Variants in PCDHGB7 observed in about 807,000 individuals in gnomAD.
The protein encoded by PCDHGB7 is protocadherin gamma subfamily B, 7, also known as protocadherin gamma-B7.
In PCDHGB7, 37 loss-of-function variants were observed where a neutral mutation model predicts 61.4. The observed-to-expected ratio is 0.60, with a 90% CI of 0.46 to 0.79. PCDHGB7 has a LOEUF of 0.79. Among genes scored for constraint, PCDHGB7 ranks in the 30% least tolerant of loss-of-function variants. PCDHGB7 has a pLI of 0.00. For missense variants in PCDHGB7, 1,166 were observed against 1,202.5 expected, an observed-to-expected ratio of 0.97 and a Z score of 0.45; for synonymous variants, 464 against 503.5, an observed-to-expected ratio of 0.92 and a Z score of 1.05.
chr5:141,440,931 C>G (rs2098213287), intron 1 of PCDHGB7: 1 of 152,186 alleles, frequency 6.6e-6, no homozygotes, highest in Non-Finnish European at 1.5e-5. Context: ...GTGAGGGCCA[C>G]CAACCAGGAC....
At chr5:141,458,217 T>C (rs1026901943) in intron 1 of PCDHGB7, among the ~76,000 whole-genome samples, 1 of 152,210 alleles carries the variant, frequency 6.6e-6, no homozygotes, top group Admixed American at 6.5e-5. Context: ...AAAATAAGTT[T>C]CCTTTCCCAG....
Position 141,448,649 on chromosome 5 carries a change from T to C in PCDHGB7, c.2415+28375T>C, listed in dbSNP as rs181402439. 1.4e-3 allele frequency among the ~76,000 whole-genome samples: 218 copies of C among 152,220 alleles called. 1 individual carries two copies. Among genetic ancestry groups the C allele is most frequent in the African/African-American group, 5.0e-3 (206 of 41,530 alleles). On this transcript the variant is annotated intron_variant, in intron 1 of 3. Transcript: ENST00000398594. ...CTTCACATTATATCCTTTAAAAATA[T>C]TTCCATATTGGCCGGGCGCGGTGGC...
chr5:141,488,837 C>A (rs550655328), intron 1 of PCDHGB7, among the ~76,000 whole-genome samples: 1 of 152,280 alleles, frequency 6.6e-6, no homozygotes, highest in African/African-American at 2.4e-5. Context: ...GCCAAGGGGG[C>A]TGAATCAACC....
chr5:141,476,158 G>A lies in PCDHGB7; in HGVS notation c.2416-18649G>A. 2 of 1,612,868 alleles carry A rather than the reference G, an allele frequency of 1.2e-6. No homozygotes were observed. Among genetic ancestry groups the A allele is most frequent in the Non-Finnish European group, 1.7e-6 (2 of 1,179,894 alleles). On this transcript the variant is annotated intron_variant, in intron 1 of 3. Transcript: ENST00000398594. The surrounding 1 kb of genome is among the most constrained non-coding windows in gnomAD (Gnocchi z 7.6). ...GGAGGAGCGGACTGGTAAGCACCGGGAGGGTAGTGGGAGTTTTGCTTCTGC... is the reference window on the plus strand; with the variant it reads ...GGAGGAGCGGACTGGTAAGCACCGGAAGGGTAGTGGGAGTTTTGCTTCTGC...
rs769074023 is a variant in PCDHGB7, at chr5:141,491,738, G to A, written c.2416-3069G>A. ...GCGCCGCCCCGGGCGACCCCTGGGG[G>A]CGGCACTGGAGAAGCCGCCCGTCCT... On this transcript the variant is annotated intron_variant, in intron 1 of 3. Transcript: ENST00000398594. The surrounding 1 kb of genome is among the most constrained non-coding windows in gnomAD (Gnocchi z 6.9). 6.2e-7 allele frequency: 1 copy of A among 1,600,346 alleles called. No homozygotes were observed. The highest frequency in any genetic ancestry group is 8.5e-7 in the Non-Finnish European group (1 of 1,174,196).
intron 1 of PCDHGB7, among the ~76,000 whole-genome samples, chr5:141,447,275 G>A (rs2098532748): frequency 1.3e-5 from 2 of 152,154 alleles, no homozygotes; most frequent in South Asian, 2.1e-4. Context: ...AAGTAGCTGG[G>A]ACTACAGGCA....
chr5:141,433,643 C>A (rs899772934), intron 1 of PCDHGB7, among the ~76,000 whole-genome samples: 13 of 152,070 alleles, frequency 8.5e-5, no homozygotes, highest in African/African-American at 2.7e-4. Context: ...TGAGACCAGC[C>A]TGACCAACAT....
intron 1 of PCDHGB7, among the ~76,000 whole-genome samples, chr5:141,474,136 G>A (rs1383142266): frequency 1.3e-5 from 2 of 152,056 alleles, no homozygotes; most frequent in East Asian, 3.8e-4. Context: ...AAAACTACAG[G>A]CCTTATTATC....
At chr5:141,494,564 G>A (rs2099755274) in intron 1 of PCDHGB7, among the ~76,000 whole-genome samples, 1 of 152,138 alleles carries the variant, frequency 6.6e-6, no homozygotes, top group Non-Finnish European at 1.5e-5. Context: ...TTTAGGAAAG[G>A]AGTCTCAGCT....
intron 1 of PCDHGB7, among the ~76,000 whole-genome samples, chr5:141,468,281 C>T (rs568875291): frequency 6.8e-6 from 1 of 147,354 alleles, no homozygotes; most frequent in African/African-American, 2.5e-5. Flanking sequence ...GCCGAGACCA[C>T]GCCATTGCAC....
At chr5:141,423,495 C>T in intron 1 of PCDHGB7, 1 of 1,613,946 alleles carries the variant, frequency 6.2e-7, no homozygotes, top group African/African-American at 1.3e-5. Context: ...CCTATTCCCA[C>T]GAGGTCTCTC....
chr5:141,450,908 G>A (rs1248622378), intron 1 of PCDHGB7, among the ~76,000 whole-genome samples: 12 of 147,640 alleles, frequency 8.1e-5, no homozygotes, highest in East Asian at 6.0e-4. Flanking sequence ...CACTGCAACC[G>A]CTGCCTCCCA....
chr5:141,466,754 C>G (rs1045917268), intron 1 of PCDHGB7, among the ~76,000 whole-genome samples: 2 of 152,138 alleles, frequency 1.3e-5, no homozygotes, highest in South Asian at 2.1e-4. Context: ...GATAGGGGCT[C>G]TTTTCAAACT....
chr5:141,460,277 A>C (rs2154566827), intron 1 of PCDHGB7, among the ~76,000 whole-genome samples: 1 of 152,124 alleles, frequency 6.6e-6, no homozygotes, highest in African/African-American at 2.4e-5. Context: ...TTTCTTTTAT[A>C]GTTTGTATTT....
rs1412265811 is a variant in PCDHGB7, at chr5:141,461,565, A to G, written c.2416-33242A>G. Among the ~76,000 whole-genome samples the G allele has an allele frequency of 2.6e-5, 4 of 152,178 alleles. No individual in the cohort carries two copies. The East Asian group carries it at 7.7e-4, about 29-fold the overall frequency. On this transcript the variant is annotated intron_variant, in intron 1 of 3. Coordinates refer to ENST00000398594, the MANE Select transcript of PCDHGB7 (RefSeq NM_018927.4). ...CCTTTGTCAGATGTGTACTTTGCAA[A>G]GATAATATTTTGGATGTTATATTTC...
At chr5:141,428,188 G>C (rs1023078587) in intron 1 of PCDHGB7, 1 of 1,433,232 alleles carries the variant, frequency 7.0e-7, no homozygotes, top group African/African-American at 1.4e-5. Flanking sequence ...GACAGCCGCC[G>C]CTCTCTGCGC....
In PCDHGB7 at chr5:141,491,961, G is replaced by A. The variant is rs891299192; in HGVS notation, c.2416-2846G>A. 3 of 970,010 alleles carry A rather than the reference G, an allele frequency of 3.1e-6. No individual in the cohort carries two copies. The highest frequency in any genetic ancestry group is 4.3e-6 in the Non-Finnish European group (3 of 693,098). 60.1% of individuals were successfully genotyped at this position (970,010 alleles called of 1,614,324 possible). On this transcript the variant is annotated intron_variant, in intron 1 of 3. Transcript: ENST00000398594. This position sits in a 1 kb window ranked among gnomAD's most constrained non-coding sequence, Gnocchi z 6.9. ...GACCCCCACCCCTACACTCAAAAAAGGCCGGGGCCTCCTTCGAGCTTCCGG... is the reference window on the plus strand; with the variant it reads ...GACCCCCACCCCTACACTCAAAAAAAGCCGGGGCCTCCTTCGAGCTTCCGG...
intron 1 of PCDHGB7, among the ~76,000 whole-genome samples, chr5:141,458,236 C>T (rs6874378): frequency 0.18 from 27,546 of 152,106 alleles, 2,658 homozygotes; most frequent in Admixed American, 0.28. Flanking sequence ...AGTCCATGCA[C>T]CAAAATGATA....
chr5:141,428,891 G>A (rs1382228334), intron 1 of PCDHGB7: 3 of 149,832 alleles, frequency 2.0e-5, no homozygotes, highest in East Asian at 3.9e-4. Flanking sequence ...GTCTCGCTCT[G>A]TGGTCCAGGC....
Sources: gnomAD v4.1 joint callset for allele counts (sites outside exome capture counted in the v4.1 genomes callset) on GRCh38, gnomAD v4.1.1 for gene constraint, Gnocchi (gnomAD v3.1) non-coding constraint, MANE v1.5 for transcripts, NCBI Gene and HGNC (gene_info 2026-07-23, HGNC 2026-07-21) for gene names.